DEAF1: variants seen among roughly 807,000 people sequenced by gnomAD.
DEAF1 encodes the protein DEAF1 transcription factor, also known as deformed epidermal autoregulatory factor 1 homolog.
A neutral mutation model predicts 58.9 loss-of-function variants in DEAF1; 53 were observed. The ratio of observed to expected loss-of-function variants is 0.90; its 90% CI spans 0.72 to 1.13. The LOEUF is 1.13. DEAF1 is among the 50% of genes most tolerant of loss of function. DEAF1 has a pLI of 0.00. For synonymous variants in DEAF1, 385 were observed against 340.4 expected, an observed-to-expected ratio of 1.13 and a Z score of -1.44; for missense variants, 685 against 791.4, an observed-to-expected ratio of 0.87 and a Z score of 1.61.
At chr11:657,676 G>A (rs12281096) in intron 10 of DEAF1, among the ~76,000 whole-genome samples, 2,779 of 152,246 alleles carry the variant, frequency 0.018, 77 homozygotes, top group African/African-American at 0.062. Flanking sequence ...ATGTCACTTG[G>A]ATGTCAGGGA....
chr11:691,977 C>T (rs893826429), intron 1 of DEAF1, among the ~76,000 whole-genome samples: 9 of 152,134 alleles, frequency 5.9e-5, no homozygotes, highest in African/African-American at 1.4e-4. Flanking sequence ...GAGGAGCTCT[C>T]GGCCTCCCCG....
intron 10 of DEAF1, among the ~76,000 whole-genome samples, chr11:669,123 C>T (rs888894905): frequency 1.6e-5 from 2 of 124,910 alleles, no homozygotes; most frequent in Non-Finnish European, 3.3e-5. Flanking sequence ...CTGCACCCGA[C>T]CCTTTTTTTT....
chr11:666,167 AG>A (rs1395158121), intron 10 of DEAF1: 1 of 152,272 alleles, frequency 6.6e-6, no homozygotes, highest in Non-Finnish European at 1.5e-5. Flanking sequence ...GTCAGGCAGA[AG>A]AAAAAGCCAG....
chr11:644,318 G>A lies in DEAF1; in HGVS notation c.*232C>T. The A allele has an allele frequency of 1.6e-6, 1 of 607,994 alleles. No individual in the cohort carries two copies. The highest frequency in any genetic ancestry group is 3.0e-6 in the Non-Finnish European group (1 of 338,210). The allele number at this position is 607,994 out of a possible 1,614,324, so 37.7% of individuals were successfully genotyped here. On this transcript the variant is annotated 3_prime_UTR_variant, in exon 12 of 12. Coordinates refer to ENST00000382409, the MANE Select transcript of DEAF1 (RefSeq NM_021008.4). The surrounding 1 kb of genome is among the most constrained non-coding windows in gnomAD (Gnocchi z 4.3). Reference sequence around the variant, plus strand: ...CCTGTGGGCAAGACCGGACGCTCATGATCCCAGGGATAAAAAATCTGTCCG... The same window carrying A: ...CCTGTGGGCAAGACCGGACGCTCATAATCCCAGGGATAAAAAATCTGTCCG...
intron 10 of DEAF1, among the ~76,000 whole-genome samples, chr11:660,148 C>T (rs1157906352): frequency 6.6e-6 from 1 of 152,236 alleles, no homozygotes; most frequent in African/African-American, 2.4e-5. Context: ...CTGGATTACT[C>T]TCCCTCGAGG....
At chr11:650,748 G>A (rs1050636386) in intron 11 of DEAF1, among the ~76,000 whole-genome samples, 1 of 152,020 alleles carries the variant, frequency 6.6e-6, no homozygotes, top group East Asian at 2.0e-4. Flanking sequence ...GAGTCCAAGG[G>A]GTCGAGACCA....
intron 10 of DEAF1, among the ~76,000 whole-genome samples, chr11:668,891 T>C (rs1859677310): frequency 6.6e-6 from 1 of 152,132 alleles, no homozygotes; most frequent in Admixed American, 6.6e-5. Context: ...AGTGGTGCAA[T>C]CTCGGCTCAC....
intron 10 of DEAF1, among the ~76,000 whole-genome samples, chr11:658,653 T>C (rs905908415): frequency 6.6e-6 from 1 of 152,260 alleles, no homozygotes; most frequent in East Asian, 1.9e-4. Flanking sequence ...GCAGCTGGCA[T>C]TGCCATTAGC....
Position 644,942 on chromosome 11 carries a change from C to A in DEAF1, c.1594-288G>T, listed in dbSNP as rs1259743449. 6.6e-6 allele frequency among the ~76,000 whole-genome samples: 1 copy of A among 152,118 alleles called. No homozygotes were observed. Among genetic ancestry groups the A allele is most frequent in the Non-Finnish European group, 1.5e-5 (1 of 68,008 alleles). ...CTTTGGGAGGCCCAGGAGGGTGGAT[C>A]CCCTGAGGTCAGGAGTTCGAGACCA... On this transcript the variant is annotated intron_variant, in intron 11 of 11. Coordinates refer to ENST00000382409, the MANE Select transcript of DEAF1 (RefSeq NM_021008.4). This position sits in a 1 kb window ranked among gnomAD's most constrained non-coding sequence, Gnocchi z 4.3.
At chr11:665,085 G>A (rs1257087256) in intron 10 of DEAF1, among the ~76,000 whole-genome samples, 1 of 126,654 alleles carries the variant, frequency 7.9e-6, no homozygotes, top group African/African-American at 3.0e-5. Context: ...GTCACTCTGA[G>A]TCCTGGCTCA....
intron 10 of DEAF1, among the ~76,000 whole-genome samples, chr11:662,541 G>A (rs537315031): frequency 5.9e-5 from 9 of 152,212 alleles, no homozygotes; most frequent in Admixed American, 6.5e-5. Context: ...GCCCAGCCCA[G>A]GCGCCCCCCA....
upstream of DEAF1, chr11:695,494 C>T (rs1161471582): frequency 1.2e-6 from 1 of 844,880 alleles, no homozygotes; most frequent in Non-Finnish European, 1.6e-6. Context: ...GCGGCCGGCG[C>T]AATTCTGCCT....
chr11:685,343 C>T (rs866443966), intron 5 of DEAF1, among the ~76,000 whole-genome samples: 2 of 152,144 alleles, frequency 1.3e-5, no homozygotes, highest in Non-Finnish European at 2.9e-5. Flanking sequence ...CTCGGCCTCC[C>T]GAAGTGCTGG....
chr11:669,459 AAACCCTGT>A, intron 10 of DEAF1, among the ~76,000 whole-genome samples: 1 of 151,944 alleles, frequency 6.6e-6, no homozygotes, highest in Non-Finnish European at 1.5e-5. Context: ...CTAAATGGTG[AAACCCTGT>A]CTCTACTGAA....
At chr11:699,897 G>T (rs1861365289), upstream of DEAF1, 1 of 519,574 alleles carries the variant, frequency 1.9e-6, no homozygotes. Flanking sequence ...AGGGGCTGCA[G>T]TGCACAGACC....
intron 10 of DEAF1, among the ~76,000 whole-genome samples, chr11:671,488 C>G (rs950172137): frequency 2.0e-5 from 3 of 151,908 alleles, no homozygotes; most frequent in Admixed American, 6.6e-5. Flanking sequence ...TCTCAAAGCA[C>G]TGAGATTACA....
chr11:676,597 C>G (rs552363442), intron 9 of DEAF1, among the ~76,000 whole-genome samples: 1 of 152,060 alleles, frequency 6.6e-6, no homozygotes, highest in South Asian at 2.1e-4. Context: ...ACTGCCCTCC[C>G]GGGTTCAAGT....
intron 5 of DEAF1, 27 bp downstream of exon 5, chr11:686,831 G>A: frequency 3.7e-6 from 6 of 1,613,752 alleles, no homozygotes; most frequent in Non-Finnish European, 5.1e-6. Flanking sequence ...ACTGTGTGCT[G>A]AGCACAGGTG....
chr11:705,009 C>T (rs991109094), intron 1 of DEAF1: 7 of 243,166 alleles, frequency 2.9e-5, no homozygotes, highest in South Asian at 2.8e-4. Context: ...GGAGATCAAA[C>T]GGCAAAGGCT....
Sources: gnomAD v4.1 joint callset for allele counts (sites outside exome capture counted in the v4.1 genomes callset) on GRCh38, gnomAD v4.1.1 for gene constraint, Gnocchi (gnomAD v3.1) non-coding constraint, MANE v1.5 for transcripts, NCBI Gene and HGNC (gene_info 2026-07-23, HGNC 2026-07-21) for gene names.